The following CALN1 variants were observed in gnomAD, a reference collection of about 807,000 sequenced individuals.
CALN1 encodes calcium-binding protein 8.
A neutral mutation model predicts 30.6 loss-of-function variants in CALN1; 17 were observed. That is an observed-to-expected ratio of 0.56 (90% CI 0.38 to 0.83). CALN1 has a LOEUF of 0.83. CALN1 is among the 40% of genes least tolerant of loss of function. CALN1 has a pLI of 0.00. For missense variants in CALN1, 291 were observed against 354.9 expected (o/e 0.82, Z 1.45); for synonymous variants, 156 against 131.4 (o/e 1.19, Z -1.28).
intron 4 of CALN1, among the ~76,000 whole-genome samples, chr7:72,069,786 T>C (rs1804265650): frequency 6.6e-6 from 1 of 152,174 alleles, no homozygotes; most frequent in Non-Finnish European, 1.5e-5. Flanking sequence ...ACCATACCCC[T>C]ACCCAATCTC....
intron 3 of CALN1, among the ~76,000 whole-genome samples, chr7:72,106,826 A>G (rs183573320): frequency 0.11 from 3,250 of 29,642 alleles, 204 homozygotes; most frequent in East Asian, 0.3. Flanking sequence ...GGGAGGGAGG[A>G]AGGAAGGGAG....
chr7:72,195,334 A>T (rs1329749027), intron 3 of CALN1, among the ~76,000 whole-genome samples: 1 of 152,204 alleles, frequency 6.6e-6, no homozygotes, highest in Non-Finnish European at 1.5e-5. Context: ...TTAAGTGCAT[A>T]ACTTTCCCAC....
At chr7:71,934,366 A>G (rs1380394355) in intron 5 of CALN1, among the ~76,000 whole-genome samples, 4 of 152,198 alleles carry the variant, frequency 2.6e-5, no homozygotes, top group Non-Finnish European at 5.9e-5. Flanking sequence ...TTTGCATTGT[A>G]TAAGGAATAC....
intron 2 of CALN1, among the ~76,000 whole-genome samples, chr7:72,347,370 G>A (rs886292045): frequency 5.3e-5 from 8 of 151,746 alleles, no homozygotes; most frequent in East Asian, 1.9e-4. Context: ...GGGTTCAAGC[G>A]ATTCTCCTGC....
chr7:71,835,767 A>G (rs1207745464), intron 5 of CALN1, among the ~76,000 whole-genome samples: 2 of 152,144 alleles, frequency 1.3e-5, no homozygotes, highest in African/African-American at 4.8e-5. Context: ...TAGAAGAAAC[A>G]CACCGACCCC....
chr7:72,302,505 G>A (rs554042961), intron 2 of CALN1, among the ~76,000 whole-genome samples: 5 of 152,250 alleles, frequency 3.3e-5, no homozygotes, highest in African/African-American at 9.6e-5. Context: ...TTTACAATTT[G>A]GCTGGGCGTG....
upstream of CALN1, among the ~76,000 whole-genome samples, chr7:72,415,921 G>C (rs1807406930): frequency 1.3e-5 from 2 of 152,208 alleles, no homozygotes; most frequent in South Asian, 4.1e-4. Context: ...CCAGGGACCA[G>C]GATCCCACAT....
chr7:72,110,422 C>T (rs1197714421), intron 3 of CALN1, among the ~76,000 whole-genome samples: 1 of 152,232 alleles, frequency 6.6e-6, no homozygotes, highest in Admixed American at 6.5e-5. Flanking sequence ...ATGCCTGTGG[C>T]TTACTCTGTA....
chr7:72,186,997 G>A (rs1013249680), intron 3 of CALN1, among the ~76,000 whole-genome samples: 10 of 151,230 alleles, frequency 6.6e-5, no homozygotes, highest in African/African-American at 2.4e-4. Context: ...GAAAGGGACA[G>A]GGCAAGTAGG....
At chr7:72,088,701 G>GAAAAAAAAAA (rs71069024) in intron 4 of CALN1, among the ~76,000 whole-genome samples, 1 of 72,464 alleles carries the variant, frequency 1.4e-5, no homozygotes, top group African/African-American at 5.1e-5. Context: ...TCCATCTCAA[G>GAAAAAAAAAA]AAAAAAAAAA....
At chr7:72,398,782 G>C (rs996643673) in intron 2 of CALN1, among the ~76,000 whole-genome samples, 2 of 152,206 alleles carry the variant, frequency 1.3e-5, no homozygotes, top group Admixed American at 1.3e-4. Context: ...CAACCAAAGT[G>C]GGTCCTCTGA....
At chr7:72,405,789 T>G (rs546592496) in intron 1 of CALN1, among the ~76,000 whole-genome samples, 9 of 152,250 alleles carry the variant, frequency 5.9e-5, no homozygotes, top group Admixed American at 5.2e-4. Flanking sequence ...ACCATGGAAG[T>G]TGTGATTGGT....
At chr7:72,385,827 C>T (rs980006099) in intron 2 of CALN1, among the ~76,000 whole-genome samples, 4 of 152,222 alleles carry the variant, frequency 2.6e-5, no homozygotes, top group African/African-American at 9.6e-5. Flanking sequence ...TCCCCTTCAC[C>T]TTCCACCATG....
At chr7:71,911,244 A>C (rs1453677459) in intron 5 of CALN1, among the ~76,000 whole-genome samples, 3 of 152,218 alleles carry the variant, frequency 2.0e-5, no homozygotes, top group Non-Finnish European at 2.9e-5. Context: ...CCAAGTCTCC[A>C]CATTTGCTGA....
upstream of CALN1, among the ~76,000 whole-genome samples, chr7:72,413,377 G>A (rs1407487570): frequency 6.6e-6 from 1 of 150,800 alleles, no homozygotes; most frequent in Non-Finnish European, 1.5e-5. Flanking sequence ...ACACACCCAC[G>A]AACATACTCA....
chr7:71,964,435 C>T (rs932535612), intron 5 of CALN1, among the ~76,000 whole-genome samples: 15 of 152,170 alleles, frequency 9.9e-5, no homozygotes, highest in Non-Finnish European at 2.2e-4. Context: ...CTGCTTATCG[C>T]AAGGACAGAG....
intron 5 of CALN1, among the ~76,000 whole-genome samples, chr7:72,007,480 G>T (rs886595452): frequency 3.3e-5 from 5 of 152,206 alleles, no homozygotes; most frequent in African/African-American, 1.2e-4. Context: ...CCAGGAGGCA[G>T]AGATTGCAAT....
intron 5 of CALN1, among the ~76,000 whole-genome samples, chr7:71,992,090 T>C (rs1798984246): frequency 6.6e-6 from 1 of 152,212 alleles, no homozygotes; most frequent in South Asian, 2.1e-4. Context: ...AGACCCCTTC[T>C]CTGTTCACTG....
At chr7:72,103,762 G>T (rs374491078) in intron 4 of CALN1, among the ~76,000 whole-genome samples, 16 of 151,026 alleles carry the variant, frequency 1.1e-4, no homozygotes, top group African/African-American at 3.6e-4. Context: ...TGGAAATGGA[G>T]GGGGGGGGAA....
Sources: allele counts gnomAD v4.1 joint callset (sites outside exome capture counted in the v4.1 genomes callset), GRCh38; gene constraint gnomAD v4.1.1; transcripts MANE v1.5; gene names NCBI Gene and HGNC (gene_info 2026-07-23, HGNC 2026-07-21).